ANKRD27: variants seen among roughly 807,000 people sequenced by gnomAD.
ANKRD27 encodes ankyrin repeat domain-containing protein 27.
Under a neutral mutation model 129.7 loss-of-function variants are expected in ANKRD27, and 112 were observed. The observed-to-expected ratio is 0.86, with a 90% CI of 0.74 to 1.01. ANKRD27 has a LOEUF of 1.01. Ranked by LOEUF, ANKRD27 falls within the 50% of genes least tolerant of loss-of-function variation. The pLI is 0.00. For synonymous variants in ANKRD27, 516 were observed against 511.2 expected (o/e 1.01, Z -0.13); for missense variants, 1,258 against 1,300.5 (o/e 0.97, Z 0.50).
chr19:32,653,726 G>A (rs1187966137), intron 2 of ANKRD27, among the ~76,000 whole-genome samples: 2 of 150,944 alleles, frequency 1.3e-5, no homozygotes, highest in Non-Finnish European at 3.0e-5. Context: ...TCGAGGCGTG[G>A]CGTGGCGGGG....
At chr19:32,624,118 G>A (rs1366111864) in intron 17 of ANKRD27, among the ~76,000 whole-genome samples, 1 of 152,050 alleles carries the variant, frequency 6.6e-6, no homozygotes, top group African/African-American at 2.4e-5. Context: ...TGTAATCCCA[G>A]CACTTTGGGA....
In ANKRD27 at chr19:32,604,402, G is replaced by T. The variant is rs1332959661; in HGVS notation, c.2516C>A (p.Ser839Tyr). The change falls in exon 25 of 29, where the codon TCT becomes TAT. Residue 839 changes from serine to tyrosine, a missense_variant. Transcript: ENST00000306065. ...LLQHGASINASNNKGNTALHE... is the reference protein window; with the variant it reads ...LLQHGASINAYNNKGNTALHE... ...CAGCGCTGTGTTGCCCTTATTGTTA[G>T]AAGCGTTAATGGAGGCCCCGTGCTG... 6.2e-7 allele frequency: 1 copy of T among 1,610,546 alleles called. No homozygotes were observed. Among genetic ancestry groups the T allele is most frequent in the South Asian group, 1.1e-5 (1 of 90,926 alleles).
intron 22 of ANKRD27, among the ~76,000 whole-genome samples, chr19:32,608,170 ATTTTTTTT>A (rs3042665): frequency 7.1e-6 from 1 of 140,202 alleles, no homozygotes; most frequent in Non-Finnish European, 1.5e-5. Context: ...TGCCCAGCTA[ATTTTTTTT>A]TTTTTTTTTT....
intron 12 of ANKRD27, among the ~76,000 whole-genome samples, chr19:32,632,251 T>C (rs959298339): frequency 1.3e-5 from 2 of 151,912 alleles, no homozygotes; most frequent in African/African-American, 4.8e-5. Context: ...ATCACACCAC[T>C]GCACTCTAGC....
In ANKRD27 at chr19:32,619,682, G is replaced by A. The variant is rs1971978991; in HGVS notation, c.1828-129C>T. ...GTCAGTGCAGTGAGCCTTAGGTCAC[G>A]TGGCCCAGTCGCACCCTTGGATAGA... On this transcript the variant is annotated intron_variant, in intron 18 of 28. Transcript: ENST00000306065. 9.6e-6 allele frequency: 11 copies of A among 1,141,698 alleles called. No homozygotes were observed. In the East Asian group the frequency reaches 1.7e-4, roughly 18 times the overall value. 70.7% of individuals were successfully genotyped at this position (1,141,698 alleles called of 1,614,324 possible).
chr19:32,668,819 C>G (rs988375905), intron 1 of ANKRD27, among the ~76,000 whole-genome samples: 3 of 152,058 alleles, frequency 2.0e-5, no homozygotes, highest in East Asian at 3.9e-4. Context: ...CTCAGCTCCC[C>G]CTAAGTGCTG....
chr19:32,628,182 G>A lies in ANKRD27; in HGVS notation c.1338-17C>T. Reference sequence around the variant, plus strand: ...TTCAACCTCCTAAAATACAGAAAGAGATAGAAAACTACACAGGGGAATGGC... The same window carrying A: ...TTCAACCTCCTAAAATACAGAAAGAAATAGAAAACTACACAGGGGAATGGC... On this transcript the variant is annotated splice_polypyrimidine_tract_variant and intron_variant, in intron 14 of 28. Coordinates refer to ENST00000306065, the MANE Select transcript of ANKRD27 (RefSeq NM_032139.3). 1 of 1,607,384 alleles carries A rather than the reference G, an allele frequency of 6.2e-7. No homozygotes were observed. Among genetic ancestry groups the A allele is most frequent in the Non-Finnish European group, 8.5e-7 (1 of 1,173,976 alleles).
At position 32,646,556 on chromosome 19, in the gene ANKRD27, T is replaced by G; in HGVS notation, c.273A>C (p.Ser91=). The change falls in exon 4 of 29, where the codon TCA becomes TCC. Residue 91 remains serine (S), a synonymous_variant. Transcript: ENST00000306065. The part of the protein sequence containing the change: ...KLGAGFACLL[S]VPILFEETFY... Reference sequence around the variant, plus strand: ...AAGTTTCTTCAAAGAGAATGGGCACTGAGAGAAGACAGGCAAAACCAGCTC... The same window carrying G: ...AAGTTTCTTCAAAGAGAATGGGCACGGAGAGAAGACAGGCAAAACCAGCTC... 1 of 1,614,168 alleles carries G rather than the reference T, an allele frequency of 6.2e-7. No homozygotes were observed. Among genetic ancestry groups the G allele is most frequent in the East Asian group, 2.2e-5 (1 of 44,888 alleles).
At chr19:32,602,886 C>A (rs1971674329) in intron 25 of ANKRD27, among the ~76,000 whole-genome samples, 1 of 151,458 alleles carries the variant, frequency 6.6e-6, no homozygotes, top group Non-Finnish European at 1.5e-5. Flanking sequence ...GAGACTCTGT[C>A]TCAAAAAATA....
intron 26 of ANKRD27, among the ~76,000 whole-genome samples, chr19:32,600,439 G>A (rs954043727): frequency 6.6e-6 from 1 of 152,132 alleles, no homozygotes; most frequent in Non-Finnish European, 1.5e-5. Context: ...TACTCAAGAG[G>A]CTGAGGCAGG....
intron 17 of ANKRD27, 82 bp from the exon 18 acceptor site, chr19:32,622,701 A>G: frequency 7.6e-7 from 1 of 1,314,294 alleles, no homozygotes; most frequent in Non-Finnish European, 1.1e-6. Context: ...CCTCCTCACC[A>G]AGCAAATGTG....
intron 2 of ANKRD27, among the ~76,000 whole-genome samples, chr19:32,652,193 CAG>C (rs1467108167): frequency 6.6e-6 from 1 of 152,228 alleles, no homozygotes; most frequent in African/African-American, 2.4e-5. Flanking sequence ...AGACGAAGTT[CAG>C]AGTTACTGCG....
chr19:32,668,334 T>C (rs533521762), intron 1 of ANKRD27, among the ~76,000 whole-genome samples: 1 of 152,226 alleles, frequency 6.6e-6, no homozygotes, highest in African/African-American at 2.4e-5. Flanking sequence ...TTTTGTTTTG[T>C]TTTGTTTTTG....
chr19:32,631,459 C>T lies in ANKRD27; in HGVS notation c.1152G>A (p.Lys384=), dbSNP rs1339611334. 6.2e-7 allele frequency: 1 copy of T among 1,614,164 alleles called. No individual in the cohort carries two copies. Among genetic ancestry groups the T allele is most frequent in the Non-Finnish European group, 8.5e-7 (1 of 1,180,022 alleles). ...TCTGAGAGAGTAAGCTCATTCTCTG[C>T]TTAAGGAACAGCCTGTCTCCAAATC... ...SEGFGDRLFL[K]QRMSLLSQMT... The change falls in exon 13 of 29, where the codon AAG becomes AAA. Residue 384 remains lysine (K), a synonymous_variant. Transcript: ENST00000306065.
chr19:32,625,762 C>T (rs1972079134), intron 17 of ANKRD27, 112 bp downstream of exon 17: 2 of 927,310 alleles, frequency 2.2e-6, no homozygotes, highest in Non-Finnish European at 3.0e-6. Flanking sequence ...AAAATTTACA[C>T]ACCCAATGTT....
Position 32,622,945 on chromosome 19 carries a change from T to G in ANKRD27, c.1630-326A>C, listed in dbSNP as rs556518648. On this transcript the variant is annotated intron_variant, in intron 17 of 28. Transcript: ENST00000306065. ...AGCATGCACCACCATGCCTGGATGG[T>G]TTTTTTTTTTAATTTTTTTTTTTTC... Among the ~76,000 whole-genome samples, 348 of 121,222 alleles carry G rather than the reference T, an allele frequency of 2.9e-3. 2 individuals are homozygous for G. Among genetic ancestry groups the G allele is most frequent in the African/African-American group, 0.012 (266 of 22,228 alleles). The allele number at this position is 121,222 out of a possible 152,430, so 79.5% of individuals were successfully genotyped here.
intron 1 of ANKRD27, among the ~76,000 whole-genome samples, chr19:32,668,909 T>C (rs1337633682): frequency 6.6e-6 from 1 of 152,142 alleles, no homozygotes; most frequent in Non-Finnish European, 1.5e-5. Flanking sequence ...TAGGTATCAC[T>C]AGCCTGTGTC....
At chr19:32,635,776 G>C (rs1189290995) in intron 12 of ANKRD27, among the ~76,000 whole-genome samples, 1 of 152,094 alleles carries the variant, frequency 6.6e-6, no homozygotes, top group Admixed American at 6.6e-5. Flanking sequence ...GAAGAGCAGA[G>C]ATTAATTCTT....
At chr19:32,608,170 ATT>A (rs3042665) in intron 22 of ANKRD27, among the ~76,000 whole-genome samples, 84,190 of 140,222 alleles carry the variant, frequency 0.6, 25,544 homozygotes, top group Non-Finnish European at 0.69. Context: ...TGCCCAGCTA[ATT>A]TTTTTTTTTT....
Sources: allele counts gnomAD v4.1 joint callset (sites outside exome capture counted in the v4.1 genomes callset), GRCh38; gene constraint gnomAD v4.1.1; transcripts MANE v1.5; gene names NCBI Gene and HGNC (gene_info 2026-07-23, HGNC 2026-07-21).